MAP4: variants seen among roughly 807,000 people sequenced by gnomAD.
MAP4 encodes microtubule associated protein 4, also known as microtubule-associated protein 4.
Under a neutral mutation model 170.2 loss-of-function variants are expected in MAP4, and 76 were observed. The ratio of observed to expected loss-of-function variants is 0.45; its 90% CI spans 0.37 to 0.54. MAP4 has a LOEUF of 0.54. Ranked by LOEUF, MAP4 falls within the 20% of genes least tolerant of loss-of-function variation. The pLI is 0.00. For missense variants in MAP4, 2,506 were observed against 2,748.0 expected (o/e 0.91, Z 1.97); for synonymous variants, 909 against 994.5 (o/e 0.91, Z 1.62).
chr3:47,916,897 T>C lies in MAP4; in HGVS notation c.930A>G (p.Thr310=). Residue 310 remains threonine (T), a synonymous_variant, in exon 7 of 21, where the codon ACA becomes ACG. Coordinates refer to ENST00000683076, the MANE Select transcript of MAP4 (RefSeq NM_001385682.1). ...MALVKDMELP[T]EKEVALVKDV... is the part of the protein sequence containing the mutation. Reference sequence around the variant, plus strand: ...CCTTAACCAGGGCCACTTCTTTTTCTGTGGGTAGTTCCATGTCCTTGACTA... The same window carrying C: ...CCTTAACCAGGGCCACTTCTTTTTCCGTGGGTAGTTCCATGTCCTTGACTA... The C allele has an allele frequency of 6.2e-7, 1 of 1,614,262 alleles. No homozygotes were observed. The highest frequency in any genetic ancestry group is 8.5e-7 in the Non-Finnish European group (1 of 1,180,048).
chr3:47,990,762 C>T (rs1038818848), intron 2 of MAP4, among the ~76,000 whole-genome samples: 2 of 152,040 alleles, frequency 1.3e-5, no homozygotes, highest in African/African-American at 4.8e-5. Context: ...AAAATAGGGC[C>T]ATATAATGCT....
In MAP4 at chr3:47,918,937, T is replaced by G. The variant is rs2100041207; in HGVS notation, c.530-96A>C. ...TTTTTGTTTTGTTTTGTTTTGTTTGTTTTTTTTTTGAGACAGAGTTTCGCT... is the reference window on the plus strand; with the variant it reads ...TTTTTGTTTTGTTTTGTTTTGTTTGGTTTTTTTTTGAGACAGAGTTTCGCT... On this transcript the variant is annotated intron_variant, in intron 5 of 20. Transcript: ENST00000683076. 7 of 910,956 alleles carry G rather than the reference T, an allele frequency of 7.7e-6. No homozygotes were observed. The South Asian group carries it at 1.3e-4, about 17-fold the overall frequency. 56.4% of individuals were successfully genotyped at this position (910,956 alleles called of 1,614,324 possible). A position where few individuals can be genotyped will look rare whatever the true frequency, so the allele number is the denominator to read the frequency against.
At chr3:48,071,800 A>C (rs1288415540) in intron 1 of MAP4, among the ~76,000 whole-genome samples, 2 of 152,040 alleles carry the variant, frequency 1.3e-5, no homozygotes, top group African/African-American at 4.8e-5. Context: ...GATACTCGGG[A>C]GGCTAAAGCA....
chr3:47,954,217 C>T (rs2100066343), intron 3 of MAP4, among the ~76,000 whole-genome samples: 3 of 152,036 alleles, frequency 2.0e-5, no homozygotes, highest in Admixed American at 1.3e-4. Context: ...GTCACAACCC[C>T]TAGGTATGGC....
intron 1 of MAP4, among the ~76,000 whole-genome samples, chr3:48,056,576 G>GC (rs1228491446): frequency 1.9e-5 from 2 of 107,972 alleles, no homozygotes; most frequent in Non-Finnish European, 3.5e-5. Flanking sequence ...GAAGTGAGGA[G>GC]CCCCTCAGCC....
rs1434073573 is a variant in MAP4 at position 47,928,334 on chromosome 3, G to C, written c.309C>G (p.Phe103Leu). ...GSDTTGSPTEFLEEKMAYQEY... is the reference protein window; with the variant it reads ...GSDTTGSPTELLEEKMAYQEY... Reference sequence around the variant, plus strand: ...CCTGGTAGGCCATTTTCTCTTCAAGGAATTCAGTTGGAGACCCTTAAAATA... The same window carrying C: ...CCTGGTAGGCCATTTTCTCTTCAAGCAATTCAGTTGGAGACCCTTAAAATA... The change falls in exon 4 of 21, where the codon TTC (phenylalanine) becomes TTG (leucine). Residue 103 changes from phenylalanine to leucine, a missense_variant. Transcript: ENST00000683076. 1 of 1,614,054 alleles carries C rather than the reference G, an allele frequency of 6.2e-7. No individual in the cohort carries two copies. Among genetic ancestry groups the C allele is most frequent in the East Asian group, 2.2e-5 (1 of 44,870 alleles).
chr3:47,855,697 T>C lies in MAP4; in HGVS notation c.6584-337A>G, dbSNP rs1454881244. Among the ~76,000 whole-genome samples, 1 of 152,034 alleles carries C rather than the reference T, an allele frequency of 6.6e-6. No individual in the cohort carries two copies. The highest frequency in any genetic ancestry group is 1.5e-5 in the Non-Finnish European group (1 of 68,002). On this transcript the variant is annotated intron_variant, in intron 18 of 20. Transcript: ENST00000683076. This position sits in a 1 kb window ranked among gnomAD's most constrained non-coding sequence, Gnocchi z 5.1. ...GCGAAGCCTCTGCTTCTCTACTCTG[T>C]GTGGGAATGCCCTCCCGCTAACTGG...
chr3:47,940,964 A>T (rs1282141140), intron 3 of MAP4, among the ~76,000 whole-genome samples: 2 of 151,062 alleles, frequency 1.3e-5, no homozygotes. Context: ...TGTAACCTCT[A>T]CCTCCCGGGT....
At chr3:48,079,564 A>G (rs2100145567) in intron 1 of MAP4, among the ~76,000 whole-genome samples, 1 of 151,974 alleles carries the variant, frequency 6.6e-6, no homozygotes, top group South Asian at 2.1e-4. Context: ...CTGAGGCAGG[A>G]GGATCGCCTG....
chr3:47,967,624 C>A (rs1000749929), intron 3 of MAP4, among the ~76,000 whole-genome samples: 5 of 152,124 alleles, frequency 3.3e-5, no homozygotes, highest in Admixed American at 6.5e-5. Flanking sequence ...TGCATTCCAG[C>A]CTGTGCAACA....
chr3:47,852,140 G>A lies in MAP4; in HGVS notation c.*794C>T, dbSNP rs754736969. 6.6e-6 allele frequency: 1 copy of A among 152,414 alleles called. No homozygotes were observed. Among genetic ancestry groups the A allele is most frequent in the African/African-American group, 2.4e-5 (1 of 41,454 alleles). The allele number at this position is 152,414 out of a possible 1,614,324, so 9.4% of individuals were successfully genotyped here. A position where few individuals can be genotyped will look rare whatever the true frequency, so the allele number is the denominator to read the frequency against. On this transcript the variant is annotated 3_prime_UTR_variant, in exon 21 of 21. Transcript: ENST00000683076. ...TAAGCTGCCCACATCCTCCAGCGGG[G>A]GTGGCATAAGGATATCTCCGCCCTG... is the stretch of plus-strand genomic sequence containing the variant.
intron 10 of MAP4, among the ~76,000 whole-genome samples, chr3:47,879,930 A>G (rs150964321): frequency 6.6e-6 from 1 of 152,222 alleles, no homozygotes; most frequent in Non-Finnish European, 1.5e-5. Flanking sequence ...GAAAGTATTC[A>G]CTTATTCACC....
chr3:47,875,519 G>A (rs186559860), intron 12 of MAP4, among the ~76,000 whole-genome samples, 166 bp downstream of exon 12: 12 of 152,164 alleles, frequency 7.9e-5, no homozygotes, highest in East Asian at 3.9e-4. Flanking sequence ...TAGGCAGCGC[G>A]TCCAGAGTAG....
chr3:48,065,944 C>T (rs1180988983), intron 1 of MAP4, among the ~76,000 whole-genome samples: 2 of 151,954 alleles, frequency 1.3e-5, no homozygotes, highest in Non-Finnish European at 2.9e-5. Context: ...CATAGTAAGA[C>T]CCCATCTCTA....
At chr3:47,863,256 A>T (rs577560627) in intron 17 of MAP4, among the ~76,000 whole-genome samples, 1 of 152,352 alleles carries the variant, frequency 6.6e-6, no homozygotes, top group East Asian at 1.9e-4. Context: ...GATTACAGGC[A>T]TGAGCCGCTG....
chr3:47,873,392 T>C (rs2094157135), intron 12 of MAP4, among the ~76,000 whole-genome samples: 2 of 152,124 alleles, frequency 1.3e-5, no homozygotes, highest in African/African-American at 2.4e-5. Context: ...AAAGAGAGTA[T>C]GCCAAATCAC....
chr3:48,051,863 A>T (rs984009523), intron 1 of MAP4, among the ~76,000 whole-genome samples: 1 of 152,216 alleles, frequency 6.6e-6, no homozygotes, highest in African/African-American at 2.4e-5. Context: ...TTATAAATCG[A>T]CCATGTAAGA....
intron 10 of MAP4, among the ~76,000 whole-genome samples, chr3:47,889,947 A>G (rs921973570): frequency 6.6e-6 from 1 of 151,682 alleles, no homozygotes; most frequent in Admixed American, 6.6e-5. Flanking sequence ...AAAAAAAAAA[A>G]CCCAAAACAT....
rs144636617 is a variant in MAP4, at chr3:48,081,336, T to C, written c.-20+7437A>G. Among the ~76,000 whole-genome samples, 852 of 151,790 alleles carry C rather than the reference T, an allele frequency of 5.6e-3. 10 individuals are homozygous for C. Among genetic ancestry groups the C allele is most frequent in the African/African-American group, 0.019 (801 of 41,472 alleles). ...AATAAATAAATAAATAAATAATAAA[T>C]CTTCAATTCTAGATACAATCACTCA... On this transcript the variant is annotated intron_variant, in intron 1 of 18. Coordinates refer to the MAP4 transcript ENST00000360240.
Sources: allele counts gnomAD v4.1 joint callset (sites outside exome capture counted in the v4.1 genomes callset), GRCh38; gene constraint gnomAD v4.1.1; non-coding constraint Gnocchi (gnomAD v3.1); transcripts MANE v1.5; gene names NCBI Gene and HGNC (gene_info 2026-07-23, HGNC 2026-07-21).